The following MGAT4C variants were observed in gnomAD, a reference collection of about 807,000 sequenced individuals.
MGAT4C encodes the protein alpha-1,3-mannosyl-glycoprotein 4-beta-N-acetylglucosaminyltransferase C.
Under a neutral mutation model 40.1 loss-of-function variants are expected in MGAT4C, and 19 were observed. That is an observed-to-expected ratio of 0.47 (90% CI 0.33 to 0.70). The LOEUF (loss-of-function observed/expected upper bound fraction) is 0.70, where lower values mean the gene tolerates loss of function less well. MGAT4C is among the 30% of genes least tolerant of loss of function. The pLI is 0.02. For synonymous variants in MGAT4C, 181 were observed against 187.1 expected (o/e 0.97, Z 0.27); for missense variants, 491 against 563.2 (o/e 0.87, Z 1.30).
chr12:86,608,527 A>G lies in MGAT4C; in HGVS notation c.-229+118682T>C, dbSNP rs1047189258. On this transcript the variant is annotated intron_variant, in intron 2 of 7. Coordinates refer to the MGAT4C transcript ENST00000548651. ...CAGGAGTTTATGGTGAGCCATGATC[A>G]TGGGACTATACTGCAACTTGGGTGC... 3.3e-5 allele frequency among the ~76,000 whole-genome samples: 5 copies of G among 152,124 alleles called. No individual in the cohort carries two copies. The South Asian group carries it at 1.0e-3, about 31-fold the overall frequency.
intron 1 of MGAT4C, among the ~76,000 whole-genome samples, chr12:86,050,703 T>C (rs568486246): frequency 6.6e-6 from 1 of 152,146 alleles, no homozygotes; most frequent in African/African-American, 2.4e-5. Context: ...TCAGCTTCTG[T>C]GGTCAACAAC....
At chr12:86,207,341 G>T (rs1566146130) in intron 1 of MGAT4C, among the ~76,000 whole-genome samples, 1 of 151,880 alleles carries the variant, frequency 6.6e-6, no homozygotes, top group Non-Finnish European at 1.5e-5. Context: ...TGTTACATAG[G>T]TATACATGTG....
chr12:86,481,707 A>T (rs1363673634), intron 2 of MGAT4C, among the ~76,000 whole-genome samples: 1 of 152,030 alleles, frequency 6.6e-6, no homozygotes, highest in Non-Finnish European at 1.5e-5. Flanking sequence ...AATAAATCAT[A>T]TTGAAAAATA....
chr12:86,026,940 A>G (rs1462394098), intron 2 of MGAT4C, among the ~76,000 whole-genome samples: 1 of 152,014 alleles, frequency 6.6e-6, no homozygotes, highest in Non-Finnish European at 1.5e-5. Flanking sequence ...TACTAAGTGG[A>G]AGGTAATCCT....
At chr12:86,066,394 G>A (rs1044993879) in intron 1 of MGAT4C, among the ~76,000 whole-genome samples, 1 of 151,628 alleles carries the variant, frequency 6.6e-6, no homozygotes, top group Non-Finnish European at 1.5e-5. Flanking sequence ...AGAGGCCTTA[G>A]AAATAACACC....
At chr12:86,174,934 T>G (rs1887232493) in intron 1 of MGAT4C, among the ~76,000 whole-genome samples, 1 of 152,282 alleles carries the variant, frequency 6.6e-6, no homozygotes, top group Non-Finnish European at 1.5e-5. Flanking sequence ...ATATAAAAAT[T>G]AATAATCACT....
At chr12:86,228,882 G>A (rs1241642364) in intron 1 of MGAT4C, among the ~76,000 whole-genome samples, 1 of 151,786 alleles carries the variant, frequency 6.6e-6, no homozygotes, top group Non-Finnish European at 1.5e-5. Context: ...ACTCTTCAGG[G>A]AACAAATATC....
intron 1 of MGAT4C, among the ~76,000 whole-genome samples, chr12:86,768,598 C>T (rs1333308254): frequency 1.6e-4 from 24 of 151,308 alleles, no homozygotes; most frequent in Non-Finnish European, 1.9e-4. Context: ...GGAGGCATCA[C>T]GCTACCTGAC....
chr12:86,395,468 C>T (rs946295659), intron 3 of MGAT4C, among the ~76,000 whole-genome samples: 4 of 152,054 alleles, frequency 2.6e-5, no homozygotes, highest in African/African-American at 7.2e-5. Context: ...ATACACTAAG[C>T]GCCTCAGAAC....
chr12:86,323,373 T>G, intron 4 of MGAT4C, among the ~76,000 whole-genome samples: 1 of 151,776 alleles, frequency 6.6e-6, no homozygotes, highest in Middle Eastern at 3.4e-3. Flanking sequence ...GTATCAGTGG[T>G]TAATTTGGTA....
chr12:86,784,775 A>C (rs555873806), intron 1 of MGAT4C, among the ~76,000 whole-genome samples: 1 of 152,180 alleles, frequency 6.6e-6, no homozygotes, highest in Admixed American at 6.5e-5. Flanking sequence ...TAGAAAAAGA[A>C]AAAGACATTG....
chr12:85,995,220 A>G (rs1000280139), intron 2 of MGAT4C, among the ~76,000 whole-genome samples: 1 of 152,194 alleles, frequency 6.6e-6, no homozygotes, highest in African/African-American at 2.4e-5. Flanking sequence ...AAGGCAGTAC[A>G]GGGACAGTGA....
chr12:86,124,688 A>C (rs1879971273), intron 1 of MGAT4C, among the ~76,000 whole-genome samples: 1 of 152,122 alleles, frequency 6.6e-6, no homozygotes. Flanking sequence ...TAGGCTATTC[A>C]GAGAGGTGGA....
At chr12:86,374,078 G>A (rs1955775657) in intron 3 of MGAT4C, among the ~76,000 whole-genome samples, 1 of 151,984 alleles carries the variant, frequency 6.6e-6, no homozygotes, top group Non-Finnish European at 1.5e-5. Flanking sequence ...ATGTTTGTAG[G>A]TTATTTAGCC....
chr12:85,981,291 A>G (rs1884575798), intron 4 of MGAT4C, among the ~76,000 whole-genome samples: 1 of 152,172 alleles, frequency 6.6e-6, no homozygotes, highest in Admixed American at 6.5e-5. Flanking sequence ...TTCTATTGAA[A>G]TATTTTCACT....
intron 2 of MGAT4C, chr12:86,001,572 AATG>A (rs1357544815): frequency 2.1e-6 from 2 of 930,570 alleles, no homozygotes; most frequent in African/African-American, 3.6e-5. Context: ...CAGTGCTCCA[AATG>A]ATAAGTCTGT....
chr12:86,701,234 C>G (rs1950358097), intron 2 of MGAT4C, among the ~76,000 whole-genome samples: 1 of 148,906 alleles, frequency 6.7e-6, no homozygotes. Context: ...GTAGATGTTA[C>G]TTTTTTTTTT....
intron 4 of MGAT4C, among the ~76,000 whole-genome samples, chr12:86,286,988 T>C (rs1468498487): frequency 6.6e-6 from 1 of 152,160 alleles, no homozygotes; most frequent in African/African-American, 2.4e-5. Flanking sequence ...CAGTCTACCA[T>C]TGGTGAACAT....
At chr12:86,765,983 C>T (rs982774674) in intron 1 of MGAT4C, among the ~76,000 whole-genome samples, 2 of 152,130 alleles carry the variant, frequency 1.3e-5, no homozygotes, top group Admixed American at 1.3e-4. Context: ...AACCAGCTAA[C>T]ATCATAATGA....
Sources: allele counts gnomAD v4.1 joint callset (sites outside exome capture counted in the v4.1 genomes callset), GRCh38; gene constraint gnomAD v4.1.1; transcripts MANE v1.5; gene names NCBI Gene and HGNC (gene_info 2026-07-23, HGNC 2026-07-21).